Variants in NACC2 observed in about 807,000 individuals in gnomAD.
NACC2 encodes NACC family member 2, also known as nucleus accumbens-associated protein 2.
A neutral mutation model predicts 25.1 loss-of-function variants in NACC2; 8 were observed. That is an observed-to-expected ratio of 0.32 (90% confidence interval 0.19 to 0.57). The LOEUF is 0.57. NACC2 is among the 20% of genes least tolerant of loss of function. The pLI, the probability that NACC2 is intolerant of heterozygous loss-of-function variation, is 0.89. For missense variants in NACC2, 644 were observed against 650.2 expected, an observed-to-expected ratio of 0.99 and a Z score of 0.10; for synonymous variants, 435 against 294.7, an observed-to-expected ratio of 1.48 and a Z score of -4.88.
At chr9:136,090,047 C>T (rs76096877) in intron 1 of NACC2, among the ~76,000 whole-genome samples, 6,420 of 151,650 alleles carry the variant, frequency 0.042, 428 homozygotes, top group African/African-American at 0.15. Context: ...TTAACAAAGG[C>T]GCTTAGCTGT....
At chr9:136,024,532 TGGACA>T (rs376454160) in intron 2 of NACC2, among the ~76,000 whole-genome samples, 13,439 of 117,314 alleles carry the variant, frequency 0.11, 805 homozygotes, top group East Asian at 0.25. Context: ...TGTGTGTGTG[TGGACA>T]GTGTGTGTGA....
intron 1 of NACC2, among the ~76,000 whole-genome samples, chr9:136,057,016 A>G (rs1351843408): frequency 6.6e-6 from 1 of 152,188 alleles, no homozygotes; most frequent in Admixed American, 6.5e-5. Flanking sequence ...CACAGCCCCC[A>G]GCCCCCACCC....
chr9:136,047,328 G>C (rs1479901461), intron 2 of NACC2, among the ~76,000 whole-genome samples: 1 of 152,178 alleles, frequency 6.6e-6, no homozygotes, highest in African/African-American at 2.4e-5. Flanking sequence ...AGCGACGCCA[G>C]CAACGTCACA....
rs73552988 is a variant in NACC2, at chr9:136,085,047, T to C, written c.-60+10142A>G. Among the ~76,000 whole-genome samples, 524 of 150,906 alleles carry C rather than the reference T, an allele frequency of 3.5e-3. 5 individuals carry two copies. The highest frequency in any genetic ancestry group is 0.011 in the African/African-American group (467 of 41,266). On this transcript the variant is annotated intron_variant, in intron 1 of 5. Coordinates refer to ENST00000277554, the MANE Select transcript of NACC2 (RefSeq NM_144653.5). ...GCATGCTTCATTCCACTGAAAAAGCTAAAACGGTAAATTTTATGTATAATT... is the reference window on the plus strand; with the variant it reads ...GCATGCTTCATTCCACTGAAAAAGCCAAAACGGTAAATTTTATGTATAATT...
intron 1 of NACC2, among the ~76,000 whole-genome samples, chr9:136,068,797 A>G (rs913157351): frequency 6.6e-6 from 1 of 151,848 alleles, no homozygotes; most frequent in African/African-American, 2.4e-5. Context: ...GGCAGGAAAA[A>G]GAAACAAAAG....
At chr9:136,014,037 ATGGGTG>A in intron 3 of NACC2, 68 bp from the exon 4 acceptor site, 1 of 382,926 alleles carries the variant, frequency 2.6e-6, no homozygotes, top group Non-Finnish European at 4.7e-6. Context: ...AGGCGCACAG[ATGGGTG>A]AGGGGGAGGG....
At chr9:136,052,571 C>T (rs1259341844) in intron 1 of NACC2, among the ~76,000 whole-genome samples, 2 of 152,096 alleles carry the variant, frequency 1.3e-5, no homozygotes, top group African/African-American at 4.8e-5. Flanking sequence ...TCCTGGGGGC[C>T]TTAGAGCTGT....
chr9:136,032,198 A>G (rs561839696), intron 2 of NACC2, among the ~76,000 whole-genome samples: 1 of 152,362 alleles, frequency 6.6e-6, no homozygotes, highest in Admixed American at 6.5e-5. Flanking sequence ...CTGCATCCAG[A>G]GGCATGTATA....
At chr9:136,051,404 C>T (rs1032302761) in intron 1 of NACC2, among the ~76,000 whole-genome samples, 1 of 152,224 alleles carries the variant, frequency 6.6e-6, no homozygotes, top group Admixed American at 6.5e-5. Flanking sequence ...ATCCCGACGG[C>T]CCGGCCCCAA....
chr9:136,055,234 C>T lies in NACC2; in HGVS notation c.-59-4654G>A, dbSNP rs915758155. ...GGCTCACTGGAACTGCAGCCAGACGCGCACACAGGGGTTGGGGCAGCGTCT... is the reference window on the plus strand; with the variant it reads ...GGCTCACTGGAACTGCAGCCAGACGTGCACACAGGGGTTGGGGCAGCGTCT... On this transcript the variant is annotated intron_variant, in intron 1 of 5. Coordinates refer to ENST00000277554, the MANE Select transcript of NACC2 (RefSeq NM_144653.5). The surrounding 1 kb of genome is among the most constrained non-coding windows in gnomAD (Gnocchi z 4.9). 1.3e-5 allele frequency among the ~76,000 whole-genome samples: 2 copies of T among 152,250 alleles called. No homozygotes were observed. The highest frequency in any genetic ancestry group is 3.9e-4 in the East Asian group (2 of 5,170).
chr9:136,087,966 G>T (rs1157478963), intron 1 of NACC2, among the ~76,000 whole-genome samples: 1 of 138,932 alleles, frequency 7.2e-6, no homozygotes, highest in Non-Finnish European at 1.7e-5. Context: ...TCCGGGAGGT[G>T]ACCTGGGGAC....
chr9:136,028,584 T>C (rs1840430905), intron 2 of NACC2, among the ~76,000 whole-genome samples: 1 of 152,074 alleles, frequency 6.6e-6, no homozygotes, highest in Non-Finnish European at 1.5e-5. Context: ...GGGTGAGGCG[T>C]GGCCAGGGCT....
In NACC2 at chr9:136,086,042, C is replaced by T. The variant is rs1428198275; in HGVS notation, c.-60+9147G>A. On this transcript the variant is annotated intron_variant, in intron 1 of 5. Coordinates refer to ENST00000277554, the MANE Select transcript of NACC2 (RefSeq NM_144653.5). This position sits in a 1 kb window ranked among gnomAD's most constrained non-coding sequence, Gnocchi z 5.6. ...TCCGATGGGAGGGGTTGGCAGAGCC[C>T]GGAGTCCGGGCGCCACGCAGGGCAG... 2.6e-5 allele frequency among the ~76,000 whole-genome samples: 4 copies of T among 152,154 alleles called. No individual in the cohort carries two copies. Among genetic ancestry groups the T allele is most frequent in the East Asian group, 1.9e-4 (1 of 5,176 alleles).
intron 1 of NACC2, among the ~76,000 whole-genome samples, chr9:136,051,828 A>G (rs1840844899): frequency 6.6e-6 from 1 of 150,980 alleles, no homozygotes; most frequent in African/African-American, 2.5e-5. Flanking sequence ...CCGCGAATGC[A>G]GCAAACGGAG....
At chr9:136,029,106 A>G (rs927522911) in intron 2 of NACC2, among the ~76,000 whole-genome samples, 1 of 152,180 alleles carries the variant, frequency 6.6e-6, no homozygotes, top group Non-Finnish European at 1.5e-5. Context: ...CCTGAAGCCC[A>G]GGGCCCAGGC....
At chr9:136,065,956 G>A (rs1338446627) in intron 1 of NACC2, among the ~76,000 whole-genome samples, 2 of 152,128 alleles carry the variant, frequency 1.3e-5, no homozygotes, top group South Asian at 2.1e-4. Flanking sequence ...CACTTTGGGA[G>A]GCCAAGGCAG....
At chr9:136,023,847 G>A (rs575715203) in intron 2 of NACC2, among the ~76,000 whole-genome samples, 8 of 152,342 alleles carry the variant, frequency 5.3e-5, no homozygotes, top group Admixed American at 3.3e-4. Flanking sequence ...TGAGAAGGAC[G>A]ACCAGGACAC....
At chr9:136,069,341 G>A (rs932015489) in intron 1 of NACC2, among the ~76,000 whole-genome samples, 2 of 146,636 alleles carry the variant, frequency 1.4e-5, no homozygotes, top group African/African-American at 5.5e-5. Context: ...CTGAGGTCAG[G>A]AGGTCGAGAC....
In NACC2 at chr9:136,007,389, G is replaced by C. The variant is rs966144806; in HGVS notation, c.*4127C>G. ...CGCGTGCACACATACACAGACACGC[G>C]TGCAGAGACACGCACGTGCACACAG... On this transcript the variant is annotated 3_prime_UTR_variant, in exon 6 of 6. Transcript: ENST00000277554. 1 of 149,850 alleles carries C rather than the reference G, an allele frequency of 6.7e-6. No homozygotes were observed. The highest frequency in any genetic ancestry group is 2.1e-4 in the South Asian group (1 of 4,774). The allele number at this position is 149,850 out of a possible 1,614,324, so 9.3% of individuals were successfully genotyped here.
Sources: allele counts gnomAD v4.1 joint callset (sites outside exome capture counted in the v4.1 genomes callset), GRCh38; gene constraint gnomAD v4.1.1; non-coding constraint Gnocchi (gnomAD v3.1); transcripts MANE v1.5; gene names NCBI Gene and HGNC (gene_info 2026-07-23, HGNC 2026-07-21).